KLC1: variants seen among roughly 807,000 people sequenced by gnomAD.
KLC1 encodes the protein kinesin 2 60/70kDa.
In KLC1, 30 loss-of-function variants were observed where a neutral mutation model predicts 84.2. That is an observed-to-expected ratio of 0.36 (90% CI 0.27 to 0.48). KLC1 has a LOEUF of 0.48. Ranked by LOEUF, KLC1 falls within the 20% of genes least tolerant of loss-of-function variation. The probability of loss-of-function intolerance (pLI) is 0.99; values close to 1 mark genes in which losing one functional copy is unlikely to be tolerated. For missense variants in KLC1, 499 were observed against 805.4 expected, an observed-to-expected ratio of 0.62 and a Z score of 4.60; for synonymous variants, 289 against 293.3, an observed-to-expected ratio of 0.99 and a Z score of 0.15.
intron 13 of KLC1, chr14:103,686,571 C>G (rs1001784230): frequency 2.6e-5 from 4 of 152,218 alleles, no homozygotes; most frequent in Non-Finnish European, 4.4e-5. Flanking sequence ...TGAAACTGTT[C>G]TGTAAAATTT....
intron 11 of KLC1, among the ~76,000 whole-genome samples, chr14:103,676,119 C>T (rs2080855132): frequency 1.3e-5 from 2 of 152,218 alleles, no homozygotes; most frequent in South Asian, 4.1e-4. Flanking sequence ...CCTCACAGCC[C>T]ATGGGGCCTT....
At chr14:103,698,594 G>A in intron 15 of KLC1, 1 of 613,570 alleles carries the variant, frequency 1.6e-6, no homozygotes, top group South Asian at 1.9e-5. Context: ...CCAGACCCAG[G>A]GAGAGGCAGA....
chr14:103,699,491 GCCA>G, intron 15 of KLC1: 1 of 1,612,644 alleles, frequency 6.2e-7, no homozygotes, highest in Non-Finnish European at 8.5e-7. Context: ...GAATGGGGCT[GCCA>G]CCGAGTCGAT....
chr14:103,700,583 G>T (rs1047212851), intron 15 of KLC1, 72 bp from the exon 16 acceptor site: 20 of 1,253,940 alleles, frequency 1.6e-5, no homozygotes, highest in Middle Eastern at 2.4e-4. Context: ...CTGGTGTCAC[G>T]CCCGGAGCTC....
Position 103,654,748 on chromosome 14 carries a change from A to G in KLC1, c.184A>G (p.Ser62Gly), listed in dbSNP as rs1000595002. Residue 62 changes from serine (S) to glycine (G), a missense_variant, in exon 2 of 17, where the codon AGT becomes GGT. By Grantham distance (56) the Ser-to-Gly change is moderately conservative. Coordinates refer to ENST00000334553, the MANE Select transcript of KLC1 (RefSeq NM_001394837.1). ...GAAGTGTTTGAAGAAAGATGATGAA[A>G]GTAATTTGGTGGAGGAGAAATCAAA... ...TLKCLKKDDE[S>G]NLVEEKSNMI... The G allele has an allele frequency of 6.2e-7, 1 of 1,614,212 alleles. No individual in the cohort carries two copies. Among genetic ancestry groups the G allele is most frequent in the East Asian group, 2.2e-5 (1 of 44,884 alleles).
At chr14:103,649,312 A>G (rs1343920987) in intron 1 of KLC1, among the ~76,000 whole-genome samples, 1 of 152,132 alleles carries the variant, frequency 6.6e-6, no homozygotes, top group Non-Finnish European at 1.5e-5. Flanking sequence ...TATAATTGCA[A>G]AAGTTGAGTC....
At position 103,699,621 on chromosome 14, in the gene KLC1, G is replaced by A. The variant is rs372557197; in HGVS notation, c.1849-1034G>A. The A allele has an allele frequency of 1.4e-5, 23 of 1,599,052 alleles. No individual in the cohort carries two copies. In the African/African-American group the frequency reaches 2.1e-4, roughly 15 times the overall value. ...TGTCTATGCTGGTCAGCAAGTCCCC[G>A]CCCCAGGTGACCAGACCCCGTTTGG... On this transcript the variant is annotated intron_variant, in intron 15 of 16. Transcript: ENST00000334553.
Position 103,654,653 on chromosome 14 carries a change from A to G in KLC1, c.89A>G (p.Gln30Arg), listed in dbSNP as rs1329746660. Residue 30 changes from glutamine to arginine, a missense_variant, in exon 2 of 17, where the codon CAA (glutamine) becomes CGA (arginine). Physicochemically the swap from Gln to Arg is conservative, Grantham distance 43. Coordinates refer to ENST00000334553, the MANE Select transcript of KLC1 (RefSeq NM_001394837.1). ...TQDEIISKTK[Q>R]VIQGLEALKN... ...GATGAAATTATTTCTAAGACAAAGC[A>G]AGTAATTCAGGGGCTGGAAGCTTTG... 2 of 1,614,116 alleles carry G rather than the reference A, an allele frequency of 1.2e-6. No individual in the cohort carries two copies. Among genetic ancestry groups the G allele is most frequent in the Non-Finnish European group, 1.7e-6 (2 of 1,180,040 alleles).
At chr14:103,698,349 T>C (rs890489866) in intron 15 of KLC1, 4 of 224,416 alleles carry the variant, frequency 1.8e-5, no homozygotes, top group Non-Finnish European at 3.6e-5. Context: ...AGGACTGCCC[T>C]GTGTGCAGGA....
rs774657809 is a variant in KLC1, at chr14:103,677,432, C to G, written c.1397C>G (p.Thr466Ser). ...CKVDSPTVTT[T>S]LKNLGALYRR... ...TCTTACAGTCCAACTGTTACAACCACTCTAAAAAACCTTGGGGCACTTTAC... is the reference window on the plus strand; with the variant it reads ...TCTTACAGTCCAACTGTTACAACCAGTCTAAAAAACCTTGGGGCACTTTAC... Residue 466 changes from threonine (T) to serine (S), a missense_variant, in exon 12 of 17, where the codon ACT becomes AGT. Coordinates refer to ENST00000334553, the MANE Select transcript of KLC1 (RefSeq NM_001394837.1). 2 of 1,612,218 alleles carry G rather than the reference C, an allele frequency of 1.2e-6. No homozygotes were observed. Among genetic ancestry groups the G allele is most frequent in the South Asian group, 2.2e-5 (2 of 91,038 alleles).
At chr14:103,670,751 A>G in intron 7 of KLC1, among the ~76,000 whole-genome samples, 1 of 152,002 alleles carries the variant, frequency 6.6e-6, no homozygotes, top group East Asian at 1.9e-4. Flanking sequence ...ATAGCCCACA[A>G]AACAAAGCCA....
rs34994116 is a variant in KLC1 at position 103,694,250 on chromosome 14, CTTTT to C, written c.1848+1841_1848+1844del. 2.3e-4 allele frequency: 207 copies of C among 913,916 alleles called. No homozygotes were observed. The highest frequency in any genetic ancestry group is 2.5e-4 in the Non-Finnish European group (192 of 779,586). 56.6% of individuals were successfully genotyped at this position (913,916 alleles called of 1,614,324 possible). A position where few individuals can be genotyped will look rare whatever the true frequency, so the allele number is the denominator to read the frequency against. On this transcript the variant is annotated intron_variant, in intron 15 of 16. Coordinates refer to ENST00000334553, the MANE Select transcript of KLC1 (RefSeq NM_001394837.1). The surrounding 1 kb of genome is among the most constrained non-coding windows in gnomAD (Gnocchi z 4.5). ...GAAGCCCATAGAGACGTGTGTTTCA[CTTTT>C]TTTTTTTTTTTTTTTGAGACGGAGT...
chr14:103,698,837 G>T (rs1026391139), intron 15 of KLC1: 1 of 1,606,550 alleles, frequency 6.2e-7, no homozygotes, highest in Non-Finnish European at 8.5e-7. Flanking sequence ...GCACCCCTTC[G>T]GCACTGATCG....
At chr14:103,692,213 C>T (rs2082163061) in intron 14 of KLC1, 146 bp from the exon 15 acceptor site, 11 of 656,678 alleles carry the variant, frequency 1.7e-5, no homozygotes, top group East Asian at 2.8e-5. Flanking sequence ...ACATAGGACT[C>T]CCCGGTTACC....
In KLC1 at chr14:103,671,065, C is replaced by A. The variant is rs140043746; in HGVS notation, c.987+782C>A. On this transcript the variant is annotated intron_variant, in intron 7 of 16. Coordinates refer to ENST00000334553, the MANE Select transcript of KLC1 (RefSeq NM_001394837.1). ...ATGTCTGAGGACTAGAGATGGAAAGCCTGGGAGCATTGCATTTGACAGTGG... is the reference window on the plus strand; with the variant it reads ...ATGTCTGAGGACTAGAGATGGAAAGACTGGGAGCATTGCATTTGACAGTGG... Among the ~76,000 whole-genome samples the A allele has an allele frequency of 3.7e-4, 56 of 152,160 alleles. 1 individual carries two copies. In the East Asian group the frequency reaches 0.01, roughly 28 times the overall value.
At chr14:103,651,063 G>A (rs1386889913) in intron 1 of KLC1, among the ~76,000 whole-genome samples, 4 of 152,100 alleles carry the variant, frequency 2.6e-5, no homozygotes, top group African/African-American at 4.8e-5. Context: ...AGGCTGGAGT[G>A]CAGTGGTGAG....
Position 103,694,334 on chromosome 14 carries a change from C to T in KLC1, c.1848+1909C>T. 2 of 933,952 alleles carry T rather than the reference C, an allele frequency of 2.1e-6. No individual in the cohort carries two copies. The highest frequency in any genetic ancestry group is 2.6e-6 in the Non-Finnish European group (2 of 784,246). 57.9% of individuals were successfully genotyped at this position (933,952 alleles called of 1,614,324 possible). A position where few individuals can be genotyped will look rare whatever the true frequency, so the allele number is the denominator to read the frequency against. On this transcript the variant is annotated intron_variant, in intron 15 of 16. Transcript: ENST00000334553. This position sits in a 1 kb window ranked among gnomAD's most constrained non-coding sequence, Gnocchi z 4.5. ...TGGCCCAATCTCGGCCCACTGCAAG[C>T]TCCACCTCCTGGGTTCACGCCATTC...
chr14:103,646,100 C>T (rs1297959325), intron 1 of KLC1, among the ~76,000 whole-genome samples: 2 of 152,138 alleles, frequency 1.3e-5, no homozygotes, highest in African/African-American at 4.8e-5. Flanking sequence ...TATGAGGTCC[C>T]TCATTGACCA....
At chr14:103,680,751 C>A (rs571439839) in intron 13 of KLC1, among the ~76,000 whole-genome samples, 1 of 152,316 alleles carries the variant, frequency 6.6e-6, no homozygotes, top group African/African-American at 2.4e-5. Context: ...GTACTCTTCT[C>A]TTGGTTGCTG....
Sources: gnomAD v4.1 joint callset for allele counts (sites outside exome capture counted in the v4.1 genomes callset) on GRCh38, gnomAD v4.1.1 for gene constraint, Gnocchi (gnomAD v3.1) non-coding constraint, MANE v1.5 for transcripts, NCBI Gene and HGNC (gene_info 2026-07-23, HGNC 2026-07-21) for gene names.